Variants in PTPRN2 observed in about 807,000 individuals in gnomAD.
PTPRN2 encodes protein tyrosine phosphatase receptor type N2, also known as receptor-type tyrosine-protein phosphatase N2.
In PTPRN2, 74 loss-of-function variants were observed where a neutral mutation model predicts 118.8. That is an observed-to-expected ratio of 0.62 (90% CI 0.52 to 0.76). The LOEUF is 0.76. Among genes scored for constraint, PTPRN2 ranks in the 30% least tolerant of loss-of-function variants. The pLI is 0.00. For synonymous variants in PTPRN2, 641 were observed against 608.0 expected (o/e 1.05, Z -0.80); for missense variants, 1,481 against 1,394.4 (o/e 1.06, Z -0.99).
In PTPRN2 at chr7:158,449,180, G is replaced by A. The variant is rs565436287; in HGVS notation, c.163+40555C>T. Among the ~76,000 whole-genome samples, 10 of 152,294 alleles carry A rather than the reference G, an allele frequency of 6.6e-5. 1 individual carries two copies. The South Asian group carries it at 1.7e-3, about 25-fold the overall frequency. ...TGAAAACAATCAAACGTCAAAGTCC[G>A]TTTTCTCCCAGGTCATGCGTGGGGT... On this transcript the variant is annotated intron_variant, in intron 2 of 22. Coordinates refer to ENST00000389418, the MANE Select transcript of PTPRN2 (RefSeq NM_002847.5).
intron 13 of PTPRN2, among the ~76,000 whole-genome samples, chr7:157,657,220 CAT>C (rs1258364047): frequency 1.1e-4 from 15 of 138,164 alleles, no homozygotes; most frequent in East Asian, 2.2e-4. Context: ...TATACACACA[CAT>C]ACGCCACACA....
At chr7:158,189,550 C>T (rs974113476) in intron 5 of PTPRN2, among the ~76,000 whole-genome samples, 3 of 152,138 alleles carry the variant, frequency 2.0e-5, no homozygotes, top group Admixed American at 6.5e-5. Flanking sequence ...TAGGTGAGCA[C>T]GCCACTGTCA....
At chr7:158,162,818 C>T (rs7785034) in intron 6 of PTPRN2, among the ~76,000 whole-genome samples, 96,271 of 152,066 alleles carry the variant, frequency 0.63, 31,111 homozygotes, top group East Asian at 0.78. Context: ...AGCCCGCAGC[C>T]TCGTTGACTG....
chr7:157,909,468 AG>A (rs1474371887), intron 11 of PTPRN2, among the ~76,000 whole-genome samples: 1 of 152,214 alleles, frequency 6.6e-6, no homozygotes, highest in Non-Finnish European at 1.5e-5. Context: ...ACCCACAGTG[AG>A]GTCTACAGTC....
At chr7:158,342,139 C>T (rs1468882300) in intron 2 of PTPRN2, among the ~76,000 whole-genome samples, 1 of 148,422 alleles carries the variant, frequency 6.7e-6, no homozygotes, top group African/African-American at 2.5e-5. Context: ...AGAGCTGTCG[C>T]CCGCAGAGGT....
rs139930492 is a variant in PTPRN2, at chr7:157,685,790, C to A, written c.1789-2853G>T. Among the ~76,000 whole-genome samples, 1,321 of 152,306 alleles carry A rather than the reference C, an allele frequency of 8.7e-3. 5 individuals carry two copies. Among genetic ancestry groups the A allele is most frequent in the South Asian group, 0.019 (91 of 4,828 alleles). On this transcript the variant is annotated intron_variant, in intron 12 of 22. Coordinates refer to ENST00000389418, the MANE Select transcript of PTPRN2 (RefSeq NM_002847.5). ...CCTGGAGAGCTCCTGGCTCTCCTCC[C>A]GGGTCCCCGCTGGGTCCCAGGAGTC...
At chr7:157,663,563 C>T (rs1393221741) in intron 13 of PTPRN2, among the ~76,000 whole-genome samples, 6 of 152,204 alleles carry the variant, frequency 3.9e-5, no homozygotes, top group Non-Finnish European at 8.8e-5. Flanking sequence ...GTGGCCTGCC[C>T]CTGCCAGCGT....
chr7:158,012,987 A>T (rs1806153854), intron 11 of PTPRN2, among the ~76,000 whole-genome samples: 2 of 152,186 alleles, frequency 1.3e-5, no homozygotes, highest in African/African-American at 4.8e-5. Context: ...GTCAGACAGA[A>T]GTAGAGATTT....
intron 3 of PTPRN2, among the ~76,000 whole-genome samples, chr7:158,244,256 A>ACCTT (rs1258442147): frequency 1.3e-5 from 2 of 152,246 alleles, no homozygotes; most frequent in Non-Finnish European, 2.9e-5. Flanking sequence ...CAGGAAACTG[A>ACCTT]CCTTCCCATT....
chr7:158,197,845 C>A (rs920710556), intron 4 of PTPRN2, among the ~76,000 whole-genome samples: 2 of 152,208 alleles, frequency 1.3e-5, no homozygotes, highest in Non-Finnish European at 2.9e-5. Context: ...ATTCAATTAC[C>A]TCCCACTGGG....
At chr7:157,950,951 A>G (rs1800776498) in intron 11 of PTPRN2, among the ~76,000 whole-genome samples, 1 of 152,186 alleles carries the variant, frequency 6.6e-6, no homozygotes, top group African/African-American at 2.4e-5. Flanking sequence ...TAAAAATTAA[A>G]GAAGGTTTCC....
At chr7:158,560,437 A>T (rs1827303175) in intron 1 of PTPRN2, among the ~76,000 whole-genome samples, 2 of 152,268 alleles carry the variant, frequency 1.3e-5, no homozygotes, top group African/African-American at 4.8e-5. Context: ...CTAGGGGACA[A>T]ATGGGGGGTT....
intron 2 of PTPRN2, among the ~76,000 whole-genome samples, chr7:158,477,353 G>A (rs1820348180): frequency 6.6e-6 from 1 of 152,172 alleles, no homozygotes; most frequent in Non-Finnish European, 1.5e-5. Context: ...CAGAAAACAG[G>A]GCACACAGCA....
chr7:158,304,750 C>T (rs2151057183), intron 3 of PTPRN2, among the ~76,000 whole-genome samples: 1 of 152,198 alleles, frequency 6.6e-6, no homozygotes, highest in Non-Finnish European at 1.5e-5. Context: ...ACTGTGGAGA[C>T]CAAGGTTTTT....
chr7:157,649,739 A>G (rs182270131), intron 14 of PTPRN2, among the ~76,000 whole-genome samples: 1,842 of 147,426 alleles, frequency 0.012, 27 homozygotes, highest in Non-Finnish European at 0.019. Flanking sequence ...TTCACTGTGC[A>G]CTGAACTCGG....
intron 22 of PTPRN2, among the ~76,000 whole-genome samples, chr7:157,542,338 A>G (rs925080996): frequency 2.0e-5 from 3 of 152,190 alleles, no homozygotes; most frequent in African/African-American, 7.2e-5. Context: ...GATGCCAAAA[A>G]TTAAGCGTGG....
intron 6 of PTPRN2, among the ~76,000 whole-genome samples, chr7:158,140,997 G>A (rs1819330336): frequency 6.6e-6 from 1 of 152,094 alleles, no homozygotes; most frequent in African/African-American, 2.4e-5. Context: ...GACGCAGAGG[G>A]GACACAGAAT....
At chr7:157,877,570 C>T (rs569949165) in intron 12 of PTPRN2, among the ~76,000 whole-genome samples, 6 of 152,116 alleles carry the variant, frequency 3.9e-5, no homozygotes, top group Non-Finnish European at 7.4e-5. Context: ...AGGGTTTCCT[C>T]GGGGTCCTCT....
At chr7:157,774,731 C>T (rs768507965) in intron 12 of PTPRN2, among the ~76,000 whole-genome samples, 11 of 152,084 alleles carry the variant, frequency 7.2e-5, no homozygotes, top group Admixed American at 2.6e-4. Context: ...GCAGAGGGCA[C>T]GCCCGACAGG....
Sources: allele counts gnomAD v4.1 joint callset (sites outside exome capture counted in the v4.1 genomes callset), GRCh38; gene constraint gnomAD v4.1.1; transcripts MANE v1.5; gene names NCBI Gene and HGNC (gene_info 2026-07-23, HGNC 2026-07-21).